Variants in PARP9 observed in about 807,000 individuals in gnomAD.
PARP9 encodes the protein protein mono-ADP-ribosyltransferase PARP9.
In PARP9, 48 loss-of-function variants were observed where a neutral mutation model predicts 68.8. That is an observed-to-expected ratio of 0.70 (90% CI 0.55 to 0.89). The LOEUF (loss-of-function observed/expected upper bound fraction) is 0.89, where lower values mean the gene tolerates loss of function less well. Ranked by LOEUF, PARP9 falls within the 40% of genes least tolerant of loss-of-function variation. The probability of loss-of-function intolerance (pLI) is 0.00; values close to 1 mark genes in which losing one functional copy is unlikely to be tolerated. For synonymous variants in PARP9, 309 were observed against 333.8 expected, an observed-to-expected ratio of 0.93 and a Z score of 0.81; for missense variants, 806 against 969.3, an observed-to-expected ratio of 0.83 and a Z score of 2.24.
intron 1 of PARP9, among the ~76,000 whole-genome samples, chr3:122,563,418 C>T (rs1202315122): frequency 1.3e-5 from 2 of 152,162 alleles, no homozygotes; most frequent in Non-Finnish European, 1.5e-5. Context: ...TTGGATATGT[C>T]AAGCTAAATA....
At chr3:122,536,441 A>G (rs1010576796) in intron 9 of PARP9, 99 bp from the exon 10 acceptor site, 7 of 1,499,464 alleles carry the variant, frequency 4.7e-6, no homozygotes, top group Admixed American at 2.4e-5. Flanking sequence ...TATGTGCATA[A>G]TACTACTTTG....
At chr3:122,529,521 C>T (rs1359385273) in intron 10 of PARP9, among the ~76,000 whole-genome samples, 2 of 151,158 alleles carry the variant, frequency 1.3e-5, no homozygotes, top group Non-Finnish European at 3.0e-5. Context: ...TAGGCCGAGG[C>T]GGGCTGATCA....
chr3:122,528,891 C>T, intron 10 of PARP9, 148 bp from the exon 11 acceptor site: 1 of 782,024 alleles, frequency 1.3e-6, no homozygotes, highest in South Asian at 2.1e-5. Flanking sequence ...CAAAGACACT[C>T]AAAATTGTTC....
In PARP9 at chr3:122,540,508, C is replaced by T. The variant is rs377521569; in HGVS notation, c.1729G>A (p.Ala577Thr). The T allele has an allele frequency of 9.3e-6, 15 of 1,613,576 alleles. No homozygotes were observed. In the African/African-American group the frequency reaches 1.9e-4, roughly 20 times the overall value. ...CAAAGGCCTCGCTCCTTTTTCCTTG[C>T]CATTTCCTCCTGTACTTTACAAAGC... ...DMLCKVQEEM[A>T]RKKERGLWRS... Residue 577 changes from alanine to threonine, a missense_variant, in exon 8 of 11, where the codon GCA (alanine) becomes ACA (threonine). Around this residue, in one of 2 missense-constraint regions of PARP9, gnomAD observed 680 missense variants for 858.8 expected, o/e 0.79. Coordinates refer to ENST00000682323, the MANE Select transcript of PARP9 (RefSeq NM_001146105.2).
chr3:122,551,431 G>A lies in PARP9; in HGVS notation c.1108-629C>T, dbSNP rs184832650. ...AAAGATAGACAAAGGCAGAGAAGGG[G>A]ATTAAGTTTCCCTCTTTTCACCATC... On this transcript the variant is annotated intron_variant, in intron 5 of 10. Coordinates refer to ENST00000682323, the MANE Select transcript of PARP9 (RefSeq NM_001146105.2). Among the ~76,000 whole-genome samples the A allele has an allele frequency of 1.3e-3, 192 of 152,230 alleles. 2 individuals carry two copies. Among genetic ancestry groups the A allele is most frequent in the Middle Eastern group, 6.8e-3 (2 of 294 alleles).
chr3:122,562,939 A>G (rs1030051566), intron 1 of PARP9, among the ~76,000 whole-genome samples: 1 of 152,238 alleles, frequency 6.6e-6, no homozygotes, highest in Admixed American at 6.5e-5. Context: ...GGGCTAATAT[A>G]TCAATGGGAC....
intron 10 of PARP9, chr3:122,534,119 G>C (rs1054957213): frequency 2.1e-6 from 2 of 931,978 alleles, no homozygotes; most frequent in Non-Finnish European, 2.6e-6. Flanking sequence ...ACAGACAGCA[G>C]GTAAGAGACC....
chr3:122,545,758 A>C, intron 6 of PARP9: 2 of 423,092 alleles, frequency 4.7e-6, no homozygotes, highest in Non-Finnish European at 8.4e-6. Context: ...ACAAAATATA[A>C]CCGTGCATTC....
At position 122,556,129 on chromosome 3, in the gene PARP9, AG is replaced by A. The variant is rs748826249; in HGVS notation, c.50-9del. 4.1e-6 allele frequency: 4 copies of A among 976,046 alleles called. No homozygotes were observed. The highest frequency in any genetic ancestry group is 3.3e-5 in the South Asian group (2 of 60,900). The allele number at this position is 976,046 out of a possible 1,614,324, so 60.5% of individuals were successfully genotyped here. The stretch of plus-strand genomic sequence containing the variant: ...CTCCAAGAGCACCAGTCTCTGGAAA[AG>A]AAGAGAAGATTAAAAAAAAAAAAAA... On this transcript the variant is annotated splice_polypyrimidine_tract_variant and intron_variant, in intron 3 of 10. Transcript: ENST00000682323.
chr3:122,559,551 G>T, intron 2 of PARP9, 55 bp downstream of exon 2: 1 of 1,516,648 alleles, frequency 6.6e-7, no homozygotes, highest in Non-Finnish European at 8.9e-7. Flanking sequence ...GTTATATAAA[G>T]AAGTATTCAT....
intron 9 of PARP9, 162 bp downstream of exon 9, chr3:122,536,772 C>A: frequency 2.6e-6 from 2 of 779,242 alleles, no homozygotes; most frequent in Non-Finnish European, 4.0e-6. Context: ...CTATATCCCT[C>A]GTGCCTGCCC....
At chr3:122,562,155 ACTCTTTTCTTTTCTT>A (rs1213112592) in intron 1 of PARP9, among the ~76,000 whole-genome samples, 1 of 120,174 alleles carries the variant, frequency 8.3e-6, no homozygotes, top group Non-Finnish European at 1.8e-5. Flanking sequence ...GTGGCAATAT[ACTCTTTTCTTTTCTT>A]TTCTTTTCTT....
chr3:122,560,399 T>C (rs952807559), intron 1 of PARP9, among the ~76,000 whole-genome samples: 1 of 149,918 alleles, frequency 6.7e-6, no homozygotes, highest in African/African-American at 2.5e-5. Flanking sequence ...TGTTTGTTTT[T>C]TTGTTTTTTG....
Position 122,552,648 on chromosome 3 carries a change from G to T in PARP9, c.886-9C>A, listed in dbSNP as rs1048744858. 2 of 1,577,440 alleles carry T rather than the reference G, an allele frequency of 1.3e-6. No homozygotes were observed. Among genetic ancestry groups the T allele is most frequent in the Non-Finnish European group, 1.7e-6 (2 of 1,147,464 alleles). ...TTAACAATTACATCTGCCTGAAAAG[G>T]GAAGAAAGGGTAGGATTCATTGTTA... On this transcript the variant is annotated splice_polypyrimidine_tract_variant and intron_variant, in intron 4 of 10. Coordinates refer to ENST00000682323, the MANE Select transcript of PARP9 (RefSeq NM_001146105.2).
At chr3:122,545,600 C>A in intron 6 of PARP9, 111 bp from the exon 7 acceptor site, 1 of 972,138 alleles carries the variant, frequency 1.0e-6, no homozygotes, top group South Asian at 1.3e-5. Flanking sequence ...CTGTCAGTCC[C>A]ATTCCTACTA....
At chr3:122,540,026 G>A (rs751995580) in intron 8 of PARP9, among the ~76,000 whole-genome samples, 5 of 152,220 alleles carry the variant, frequency 3.3e-5, no homozygotes, top group Non-Finnish European at 7.3e-5. Flanking sequence ...CTTCATTGGC[G>A]AGAGGGCTCA....
intron 6 of PARP9, among the ~76,000 whole-genome samples, chr3:122,547,126 T>TTTTA (rs2078814989): frequency 6.8e-6 from 1 of 146,510 alleles, no homozygotes. Context: ...TTTTTTTTTT[T>TTTTA]TGAGATGGCC....
intron 3 of PARP9, among the ~76,000 whole-genome samples, chr3:122,557,912 G>GA (rs59970616): frequency 0.035 from 5,311 of 150,856 alleles, 136 homozygotes; most frequent in East Asian, 0.12. Context: ...GTTAAAATGT[G>GA]AAAAAAAAAT....
intron 8 of PARP9, among the ~76,000 whole-genome samples, chr3:122,538,543 T>C (rs897421586): frequency 6.6e-6 from 1 of 152,098 alleles, no homozygotes; most frequent in African/African-American, 2.4e-5. Context: ...ATATGCTTAG[T>C]CCTCAACTAC....
Sources: allele counts gnomAD v4.1 joint callset (sites outside exome capture counted in the v4.1 genomes callset), GRCh38; gene constraint gnomAD v4.1.1; regional missense constraint gnomAD v4.1.1; transcripts MANE v1.5; gene names NCBI Gene and HGNC (gene_info 2026-07-23, HGNC 2026-07-21).